The following GALNTL6 variants were observed in gnomAD, a reference collection of about 807,000 sequenced individuals.
GALNTL6 encodes polypeptide N-acetylgalactosaminyltransferase-like 6.
Under a neutral mutation model 73.7 loss-of-function variants are expected in GALNTL6, and 46 were observed. The observed-to-expected ratio is 0.62, with a 90% confidence interval of 0.49 to 0.80. The LOEUF is 0.80. GALNTL6 is among the 30% of genes least tolerant of loss of function. The pLI, the probability that GALNTL6 is intolerant of heterozygous loss-of-function variation, is 0.00. For synonymous variants in GALNTL6, 259 were observed against 263.7 expected, an observed-to-expected ratio of 0.98 and a Z score of 0.17; for missense variants, 604 against 755.0, an observed-to-expected ratio of 0.80 and a Z score of 2.34.
rs752183772 is a variant in GALNTL6 at position 172,952,224 on chromosome 4, C to T, written c.1337C>T (p.Pro446Leu). Reference sequence around the variant, plus strand: ...GCCTGGGACGTGCCTAAATACTACCCTCCAGTGGAGCCCCCGCCTGCTGCC... The same window carrying T: ...GCCTGGGACGTGCCTAAATACTACCTTCCAGTGGAGCCCCCGCCTGCTGCC... ...AVAWDVPKYY[P>L]PVEPPPAAWG... The change falls in exon 10 of 13, where the codon CCT (proline) becomes CTT (leucine). Residue 446 changes from proline to leucine, a missense_variant. By Grantham distance (98) the Pro-to-Leu change is moderately conservative (BLOSUM62 -3). Coordinates refer to ENST00000506823, the MANE Select transcript of GALNTL6 (RefSeq NM_001034845.3). 75 of 1,613,954 alleles carry T rather than the reference C, an allele frequency of 4.6e-5. No individual in the cohort carries two copies. Among genetic ancestry groups the T allele is most frequent in the Non-Finnish European group, 6.2e-5 (73 of 1,180,002 alleles).
intron 2 of GALNTL6, among the ~76,000 whole-genome samples, chr4:172,146,948 T>A (rs918189637): frequency 6.6e-6 from 1 of 152,236 alleles, no homozygotes; most frequent in Non-Finnish European, 1.5e-5. Flanking sequence ...CATTTAAATA[T>A]ATTAATAGAA....
At chr4:172,113,412 T>C (rs570271317) in intron 2 of GALNTL6, among the ~76,000 whole-genome samples, 2 of 152,180 alleles carry the variant, frequency 1.3e-5, no homozygotes, top group South Asian at 4.1e-4. Context: ...ATGAAGTAAC[T>C]GTAGTATTAG....
chr4:172,985,197 T>C (rs372817788), intron 10 of GALNTL6, among the ~76,000 whole-genome samples: 3 of 152,094 alleles, frequency 2.0e-5, no homozygotes, highest in East Asian at 1.9e-4. Context: ...AGCAAGTGCC[T>C]TCGACAATAT....
At chr4:172,951,271 T>G (rs1301843578) in intron 9 of GALNTL6, among the ~76,000 whole-genome samples, 1 of 152,182 alleles carries the variant, frequency 6.6e-6, no homozygotes, top group East Asian at 1.9e-4. Flanking sequence ...CATTTTCAGG[T>G]GAGGAATCTG....
intron 12 of GALNTL6, among the ~76,000 whole-genome samples, chr4:173,022,030 A>AGAAGGAAAGAAG (rs1753013046): frequency 2.9e-5 from 2 of 69,156 alleles, no homozygotes; most frequent in African/African-American, 1.3e-4. Flanking sequence ...AAGGAAGGAA[A>AGAAGGAAAGAAG]GAAGGAAGGA....
At chr4:172,919,033 AT>A (rs1392096264) in intron 8 of GALNTL6, among the ~76,000 whole-genome samples, 4 of 152,174 alleles carry the variant, frequency 2.6e-5, no homozygotes, top group African/African-American at 4.8e-5. Context: ...TCTTTGAGGC[AT>A]TTATTGCAAT....
chr4:171,898,500 T>C (rs1237417717), intron 2 of GALNTL6, among the ~76,000 whole-genome samples: 1 of 152,140 alleles, frequency 6.6e-6, no homozygotes, highest in African/African-American at 2.4e-5. Flanking sequence ...ATTTATATTA[T>C]CATATACTAA....
At chr4:172,642,185 T>C (rs542647521) in intron 5 of GALNTL6, among the ~76,000 whole-genome samples, 2 of 151,958 alleles carry the variant, frequency 1.3e-5, no homozygotes, top group South Asian at 2.1e-4. Flanking sequence ...CAAAAAATTT[T>C]TAAAAAAAAC....
chr4:172,735,896 G>A (rs1358640573), intron 5 of GALNTL6, among the ~76,000 whole-genome samples: 1 of 152,122 alleles, frequency 6.6e-6, no homozygotes, highest in Non-Finnish European at 1.5e-5. Flanking sequence ...GACATCACAT[G>A]TCGGCAGGTT....
Position 172,621,386 on chromosome 4 carries a change from G to A in GALNTL6, c.554-187975G>A, listed in dbSNP as rs146372976. Reference sequence around the variant, plus strand: ...ACCACTGTTTCTGGAGATAACAGTAGCCTCAATTTTCTGAGACTTTTAAAG... The same window carrying A: ...ACCACTGTTTCTGGAGATAACAGTAACCTCAATTTTCTGAGACTTTTAAAG... On this transcript the variant is annotated intron_variant, in intron 5 of 12. Coordinates refer to ENST00000506823, the MANE Select transcript of GALNTL6 (RefSeq NM_001034845.3). Among the ~76,000 whole-genome samples the A allele has an allele frequency of 8.5e-5, 13 of 152,226 alleles. No homozygotes were observed. In the East Asian group the frequency reaches 2.5e-3, roughly 29 times the overall value.
intron 8 of GALNTL6, among the ~76,000 whole-genome samples, chr4:172,917,140 A>T (rs1747564136): frequency 6.6e-6 from 1 of 152,250 alleles, no homozygotes; most frequent in Non-Finnish European, 1.5e-5. Context: ...AAAAACAAGA[A>T]ACGGGGAAAG....
intron 5 of GALNTL6, among the ~76,000 whole-genome samples, chr4:172,585,416 C>G (rs1737363066): frequency 6.6e-6 from 1 of 152,170 alleles, no homozygotes; most frequent in African/African-American, 2.4e-5. Context: ...TGCCCTCCAC[C>G]TCCTGACACG....
intron 5 of GALNTL6, among the ~76,000 whole-genome samples, chr4:172,573,303 T>C (rs1027746595): frequency 6.6e-6 from 1 of 152,222 alleles, no homozygotes; most frequent in African/African-American, 2.4e-5. Context: ...ATTGTTTTGC[T>C]AGTTGCCAAG....
intron 10 of GALNTL6, among the ~76,000 whole-genome samples, chr4:172,963,443 A>G (rs1163833714): frequency 2.6e-5 from 4 of 152,106 alleles, no homozygotes; most frequent in African/African-American, 9.7e-5. Flanking sequence ...TTTCTCATCT[A>G]TCTCTCCCAC....
At chr4:171,818,463 T>A (rs1023367171) in intron 2 of GALNTL6, among the ~76,000 whole-genome samples, 4 of 151,516 alleles carry the variant, frequency 2.6e-5, no homozygotes, top group African/African-American at 9.7e-5. Flanking sequence ...ATGAAGAGGA[T>A]CTTGCAATTT....
intron 5 of GALNTL6, among the ~76,000 whole-genome samples, chr4:172,601,965 C>T (rs1352426952): frequency 6.6e-6 from 1 of 151,998 alleles, no homozygotes; most frequent in Non-Finnish European, 1.5e-5. Context: ...TGTTTTTAAT[C>T]ACTCTGGGGC....
chr4:171,839,319 G>T (rs1395763677), intron 2 of GALNTL6, among the ~76,000 whole-genome samples: 1 of 151,934 alleles, frequency 6.6e-6, no homozygotes, highest in Non-Finnish European at 1.5e-5. Context: ...TACAATTTCT[G>T]ATTTAAAAAA....
Position 172,387,087 on chromosome 4 carries a change from C to A in GALNTL6, c.553+38398C>A, listed in dbSNP as rs544189509. On this transcript the variant is annotated intron_variant, in intron 5 of 12. Transcript: ENST00000506823. ...AAATTAATGATCACAGGTACTAATACCATCCTGAGGGCCCCACCCTCATAA... is the reference window on the plus strand; with the variant it reads ...AAATTAATGATCACAGGTACTAATAACATCCTGAGGGCCCCACCCTCATAA... Among the ~76,000 whole-genome samples the A allele has an allele frequency of 1.6e-3, 237 of 152,244 alleles. 1 individual carries two copies. Among genetic ancestry groups the A allele is most frequent in the African/African-American group, 5.5e-3 (230 of 41,554 alleles).
chr4:172,296,045 T>A (rs978985687), intron 3 of GALNTL6, among the ~76,000 whole-genome samples: 4 of 152,184 alleles, frequency 2.6e-5, no homozygotes, highest in African/African-American at 9.6e-5. Context: ...CATTATTATG[T>A]TTCTAACCTC....
Sources: allele counts gnomAD v4.1 joint callset (sites outside exome capture counted in the v4.1 genomes callset), GRCh38; gene constraint gnomAD v4.1.1; transcripts MANE v1.5; gene names NCBI Gene and HGNC (gene_info 2026-07-23, HGNC 2026-07-21).